The following SMOC2 variants were observed in gnomAD, a reference collection of about 807,000 sequenced individuals.
The protein encoded by SMOC2 is SPARC related modular calcium binding 2, also known as SPARC-related modular calcium-binding protein 2.
A neutral mutation model predicts 61.4 loss-of-function variants in SMOC2; 39 were observed. That is an observed-to-expected ratio of 0.64 (90% CI 0.49 to 0.83). The LOEUF is 0.83. SMOC2 is among the 40% of genes least tolerant of loss of function. The pLI is 0.00. For synonymous variants in SMOC2, 247 were observed against 239.9 expected, an observed-to-expected ratio of 1.03 and a Z score of -0.27; for missense variants, 556 against 592.9, an observed-to-expected ratio of 0.94 and a Z score of 0.65.
chr6:168,615,632 A>AGG (rs766578203), intron 9 of SMOC2, among the ~76,000 whole-genome samples: 4 of 26,890 alleles, frequency 1.5e-4, no homozygotes, highest in Admixed American at 5.5e-4. Context: ...CAGCCAGCAC[A>AGG]GGGCCTCTTC....
chr6:168,511,815 T>TG, intron 2 of SMOC2, among the ~76,000 whole-genome samples: 1 of 149,146 alleles, frequency 6.7e-6, no homozygotes, highest in African/African-American at 2.5e-5. Flanking sequence ...TCAAGGGTTG[T>TG]TTTTTTTTTT....
chr6:168,527,775 T>G, intron 4 of SMOC2, 48 bp downstream of exon 4: 1 of 1,269,952 alleles, frequency 7.9e-7, no homozygotes, highest in South Asian at 1.3e-5. Context: ...GGGAATTGGT[T>G]TGCCGTTTCT....
At chr6:168,513,992 C>T (rs553601937) in intron 2 of SMOC2, among the ~76,000 whole-genome samples, 2 of 152,310 alleles carry the variant, frequency 1.3e-5, no homozygotes, top group East Asian at 3.9e-4. Flanking sequence ...GGCAGGACAC[C>T]TCCCTCCACA....
At position 168,607,097 on chromosome 6, in the gene SMOC2, C is replaced by A. The variant is rs189181529; in HGVS notation, c.825-1060C>A. On this transcript the variant is annotated intron_variant, in intron 8 of 12. Transcript: ENST00000356284. Reference sequence around the variant, plus strand: ...CCCATCTCCCGGGAACGCACCTCCCCGGCGTCTCCTTCATGCTGGTGAGAA... The same window carrying A: ...CCCATCTCCCGGGAACGCACCTCCCAGGCGTCTCCTTCATGCTGGTGAGAA... Among the ~76,000 whole-genome samples the A allele has an allele frequency of 5.3e-5, 8 of 152,118 alleles. 1 individual carries two copies. Among genetic ancestry groups the A allele is most frequent in the African/African-American group, 1.4e-4 (6 of 41,496 alleles).
At chr6:168,496,525 C>G (rs1051683835) in intron 1 of SMOC2, among the ~76,000 whole-genome samples, 33 of 152,210 alleles carry the variant, frequency 2.2e-4, no homozygotes, top group Non-Finnish European at 3.5e-4. Flanking sequence ...TACCCATGCT[C>G]GGGGGTGATG....
intron 12 of SMOC2, among the ~76,000 whole-genome samples, chr6:168,665,721 C>T (rs995677820): frequency 6.6e-6 from 1 of 152,244 alleles, no homozygotes; most frequent in Non-Finnish European, 1.5e-5. Context: ...ATTTAAACCT[C>T]AAGTTTAGTG....
intron 1 of SMOC2, among the ~76,000 whole-genome samples, chr6:168,494,557 C>A (rs1163250364): frequency 6.6e-6 from 1 of 152,226 alleles, no homozygotes; most frequent in African/African-American, 2.4e-5. Flanking sequence ...ATTTTCACAG[C>A]CAACAAGATA....
At chr6:168,528,477 C>T (rs1271465160) in intron 4 of SMOC2, among the ~76,000 whole-genome samples, 2 of 152,188 alleles carry the variant, frequency 1.3e-5, no homozygotes, top group Non-Finnish European at 2.9e-5. Context: ...TACAAAATGT[C>T]TCTCCCTGTT....
intron 10 of SMOC2, among the ~76,000 whole-genome samples, chr6:168,651,800 G>T (rs751095960): frequency 6.6e-6 from 1 of 152,196 alleles, no homozygotes; most frequent in Non-Finnish European, 1.5e-5. Flanking sequence ...CAACACTTTG[G>T]CAGGCCAAGG....
At chr6:168,463,381 G>A (rs548531126) in intron 1 of SMOC2, among the ~76,000 whole-genome samples, 7 of 152,212 alleles carry the variant, frequency 4.6e-5, no homozygotes, top group African/African-American at 1.7e-4. Flanking sequence ...TGCTGCGTAT[G>A]TGCTGAAATA....
At chr6:168,652,811 A>G (rs555577948) in intron 10 of SMOC2, 143 bp from the exon 11 acceptor site, 44 of 652,566 alleles carry the variant, frequency 6.7e-5, no homozygotes, top group African/African-American at 6.4e-4. Flanking sequence ...TTAAATTGTT[A>G]TATCTGATGA....
At chr6:168,521,719 C>T (rs1007019837) in intron 2 of SMOC2, among the ~76,000 whole-genome samples, 4 of 152,076 alleles carry the variant, frequency 2.6e-5, no homozygotes, top group Admixed American at 6.5e-5. Flanking sequence ...CCCATCTCTA[C>T]GAAAATTAAA....
Position 168,667,146 on chromosome 6 carries a change from G to A in SMOC2, c.*708G>A, listed in dbSNP as rs7771160. On this transcript the variant is annotated 3_prime_UTR_variant, in exon 13 of 13. Transcript: ENST00000356284. Reference sequence around the variant, plus strand: ...TTGAATGAGTCCCAGAGAGTCGTTCGGATGGTGGGAGGCTGCCTAGGAGGC... The same window carrying A: ...TTGAATGAGTCCCAGAGAGTCGTTCAGATGGTGGGAGGCTGCCTAGGAGGC... The A allele has an allele frequency of 3.9e-5, 6 of 152,282 alleles. No individual in the cohort carries two copies. The highest frequency in any genetic ancestry group is 2.1e-4 in the South Asian group (1 of 4,830). The allele number at this position is 152,282 out of a possible 1,614,324, so 9.4% of individuals were successfully genotyped here.
At position 168,495,637 on chromosome 6, in the gene SMOC2, G is replaced by A. The variant is rs1338696702; in HGVS notation, c.85-14278G>A. Among the ~76,000 whole-genome samples the A allele has an allele frequency of 6.6e-5, 10 of 152,180 alleles. 1 individual carries two copies. Among genetic ancestry groups the A allele is most frequent in the South Asian group, 2.1e-4 (1 of 4,816 alleles). ...CAGGTGACTCCTCCTGGGGAGCAGC[G>A]CTTCGCAAACACCTCAGGCCTGCGT... is the stretch of plus-strand genomic sequence containing the variant. On this transcript the variant is annotated intron_variant, in intron 1 of 12. Coordinates refer to ENST00000356284, the MANE Select transcript of SMOC2 (RefSeq NM_001166412.2).
chr6:168,656,281 C>T (rs1397406490), intron 11 of SMOC2, among the ~76,000 whole-genome samples: 9 of 152,090 alleles, frequency 5.9e-5, no homozygotes, highest in East Asian at 3.9e-4. Context: ...GAGGCTGAAG[C>T]GGGTGGATCA....
chr6:168,460,430 GA>G (rs1423398822), intron 1 of SMOC2, among the ~76,000 whole-genome samples: 1 of 152,156 alleles, frequency 6.6e-6, no homozygotes, highest in Non-Finnish European at 1.5e-5. Context: ...TTGCTATAAT[GA>G]GGACATAAAA....
intron 7 of SMOC2, among the ~76,000 whole-genome samples, chr6:168,550,142 G>A (rs1475778427): frequency 6.6e-6 from 1 of 152,098 alleles, no homozygotes; most frequent in East Asian, 1.9e-4. Flanking sequence ...TTTCAAATAA[G>A]AATTTCACAG....
At chr6:168,646,527 C>T (rs1325401646) in intron 9 of SMOC2, among the ~76,000 whole-genome samples, 1 of 152,214 alleles carries the variant, frequency 6.6e-6, no homozygotes, top group Non-Finnish European at 1.5e-5. Flanking sequence ...CATAAACTTA[C>T]TGAAACAGGA....
chr6:168,568,535 C>T (rs987384185), intron 7 of SMOC2, among the ~76,000 whole-genome samples: 1 of 152,092 alleles, frequency 6.6e-6, no homozygotes, highest in Non-Finnish European at 1.5e-5. Flanking sequence ...TGAGTCATGA[C>T]AAATGTATAA....
Sources: gnomAD v4.1 joint callset for allele counts (sites outside exome capture counted in the v4.1 genomes callset) on GRCh38, gnomAD v4.1.1 for gene constraint, MANE v1.5 for transcripts, NCBI Gene and HGNC (gene_info 2026-07-23, HGNC 2026-07-21) for gene names.